Variants in TCERG1L observed in about 807,000 individuals in gnomAD.
The protein encoded by TCERG1L is transcription elongation regulator 1-like protein.
In TCERG1L, 37 loss-of-function variants were observed where a neutral mutation model predicts 56.3. The observed-to-expected ratio is 0.66, with a 90% CI of 0.51 to 0.87. TCERG1L has a LOEUF of 0.87. Among genes scored for constraint, TCERG1L ranks in the 40% least tolerant of loss-of-function variants. TCERG1L has a pLI of 0.00. For missense variants in TCERG1L, 799 were observed against 774.2 expected (o/e 1.03, Z -0.38); for synonymous variants, 324 against 326.3 (o/e 0.99, Z 0.08).
chr10:131,273,429 G>A (rs891024208), intron 3 of TCERG1L, among the ~76,000 whole-genome samples: 18 of 152,208 alleles, frequency 1.2e-4, no homozygotes, highest in Non-Finnish European at 2.1e-4. Flanking sequence ...CCCGGGCTTT[G>A]CTGCCACAAA....
At chr10:131,284,406 A>C (rs1274989034) in intron 3 of TCERG1L, among the ~76,000 whole-genome samples, 1 of 152,078 alleles carries the variant, frequency 6.6e-6, no homozygotes, top group Non-Finnish European at 1.5e-5. Flanking sequence ...AAGCAGTGAA[A>C]ATTGTATTAA....
chr10:131,125,212 A>G (rs1685727228), intron 8 of TCERG1L, among the ~76,000 whole-genome samples: 3 of 152,256 alleles, frequency 2.0e-5, no homozygotes, highest in Admixed American at 2.0e-4. Context: ...GATGAACATG[A>G]TGATGATGGT....
intron 4 of TCERG1L, among the ~76,000 whole-genome samples, chr10:131,241,469 T>C (rs1167176727): frequency 2.0e-5 from 3 of 151,566 alleles, no homozygotes; most frequent in Non-Finnish European, 4.4e-5. Context: ...GCATCGTCCA[T>C]ACGCAACATG....
intron 8 of TCERG1L, among the ~76,000 whole-genome samples, chr10:131,125,638 C>T (rs1034131765): frequency 2.6e-5 from 4 of 152,228 alleles, no homozygotes; most frequent in African/African-American, 9.6e-5. Context: ...TTGGCACATC[C>T]ATCAGGGTGG....
intron 4 of TCERG1L, among the ~76,000 whole-genome samples, chr10:131,246,584 T>C (rs1846040576): frequency 6.7e-6 from 1 of 150,002 alleles, no homozygotes; most frequent in Non-Finnish European, 1.5e-5. Flanking sequence ...GGCTTGTGAA[T>C]CTCCTCCTCT....
At chr10:131,228,974 G>A (rs796757883) in intron 4 of TCERG1L, among the ~76,000 whole-genome samples, 2 of 57,462 alleles carry the variant, frequency 3.5e-5, no homozygotes, top group African/African-American at 8.3e-5. Context: ...CAAGGCCTCC[G>A]GAGTCTTCCC....
At chr10:131,243,356 T>G (rs1441138057) in intron 4 of TCERG1L, among the ~76,000 whole-genome samples, 3 of 151,924 alleles carry the variant, frequency 2.0e-5, no homozygotes, top group African/African-American at 4.8e-5. Context: ...CCGAGATGGG[T>G]GGATCACTTG....
At chr10:131,128,697 C>T (rs1001022645) in intron 8 of TCERG1L, among the ~76,000 whole-genome samples, 2 of 152,132 alleles carry the variant, frequency 1.3e-5, no homozygotes, top group African/African-American at 2.4e-5. Flanking sequence ...GTGAGTTTCT[C>T]TTTATAAAAG....
intron 4 of TCERG1L, among the ~76,000 whole-genome samples, chr10:131,247,917 C>T (rs574734416): frequency 6.7e-6 from 1 of 148,716 alleles, no homozygotes; most frequent in South Asian, 2.1e-4. Context: ...CACACACACG[C>T]ATACACACGA....
At chr10:131,243,312 G>A (rs1379479574) in intron 4 of TCERG1L, among the ~76,000 whole-genome samples, 4 of 152,226 alleles carry the variant, frequency 2.6e-5, no homozygotes, top group Admixed American at 2.6e-4. Context: ...CCAGGCGTGA[G>A]GGCTCACACC....
chr10:131,292,982 C>T (rs1846648174), intron 3 of TCERG1L, among the ~76,000 whole-genome samples: 1 of 151,870 alleles, frequency 6.6e-6, no homozygotes, highest in Admixed American at 6.6e-5. Flanking sequence ...TCCCGAGTAG[C>T]TGGGATTACA....
chr10:131,136,577 C>T (rs970973119), intron 7 of TCERG1L, among the ~76,000 whole-genome samples: 1 of 152,080 alleles, frequency 6.6e-6, no homozygotes, highest in South Asian at 2.1e-4. Flanking sequence ...CTCACTGCAA[C>T]CTCCACTTTC....
At position 131,160,565 on chromosome 10, in the gene TCERG1L, A is replaced by G. The variant is rs1166814911; in HGVS notation, c.1034+2557T>C. 1.5e-4 allele frequency among the ~76,000 whole-genome samples: 23 copies of G among 152,250 alleles called. 1 individual carries two copies. In the East Asian group the frequency reaches 4.1e-3, roughly 27 times the overall value. ...GCTGCTCCACTCTCAGAAACCCACA[A>G]GGACCTGCTAAGTCCTCGTCCTGCA... On this transcript the variant is annotated intron_variant, in intron 6 of 11. Transcript: ENST00000368642.
chr10:131,246,607 CCACCG>C (rs146399449), intron 4 of TCERG1L, among the ~76,000 whole-genome samples: 38,072 of 149,956 alleles, frequency 0.25, 5,025 homozygotes, highest in South Asian at 0.44. Flanking sequence ...CTCCCCTGCC[CCACCG>C]CACCCCACCC....
Position 131,120,154 on chromosome 10 carries a change from C to CGT in TCERG1L, c.1260-3222_1260-3221dup, listed in dbSNP as rs572752365. Reference sequence around the variant, plus strand: ...CTTGCCAATCGATCTGTTAATGATTCGTGTGTGTGTGTGTGTGAGCTTGTG... The same window carrying CGT: ...CTTGCCAATCGATCTGTTAATGATTCGTGTGTGTGTGTGTGTGTGAGCTTGTG... On this transcript the variant is annotated intron_variant, in intron 8 of 11. Transcript: ENST00000368642. 2.4e-3 allele frequency among the ~76,000 whole-genome samples: 367 copies of CGT among 151,322 alleles called. 4 individuals are homozygous for CGT. Among genetic ancestry groups the CGT allele is most frequent in the South Asian group, 0.022 (103 of 4,788 alleles).
At chr10:131,304,923 C>T (rs1370153170) in intron 3 of TCERG1L, among the ~76,000 whole-genome samples, 1 of 151,994 alleles carries the variant, frequency 6.6e-6, no homozygotes, top group Non-Finnish European at 1.5e-5. Context: ...TTGAAGAGGC[C>T]CCAGAGCCCA....
intron 3 of TCERG1L, among the ~76,000 whole-genome samples, chr10:131,306,848 T>C (rs1211145185): frequency 6.6e-6 from 1 of 152,134 alleles, no homozygotes; most frequent in Non-Finnish European, 1.5e-5. Context: ...ATTTAGCACA[T>C]TTATATATGA....
At chr10:131,169,204 T>C (rs374031598) in intron 4 of TCERG1L, among the ~76,000 whole-genome samples, 6 of 152,106 alleles carry the variant, frequency 3.9e-5, no homozygotes, top group African/African-American at 1.4e-4. Flanking sequence ...ACCCCATCTC[T>C]GCCTCCTCAT....
chr10:131,139,618 T>C (rs1845712014), intron 7 of TCERG1L, among the ~76,000 whole-genome samples: 1 of 152,204 alleles, frequency 6.6e-6, no homozygotes. Flanking sequence ...CACACACCAA[T>C]ATCTATGTAT....
Sources: gnomAD v4.1 joint callset for allele counts (sites outside exome capture counted in the v4.1 genomes callset) on GRCh38, gnomAD v4.1.1 for gene constraint, MANE v1.5 for transcripts, NCBI Gene and HGNC (gene_info 2026-07-23, HGNC 2026-07-21) for gene names.